Variants in AAMDC observed in about 807,000 individuals in gnomAD.
The protein encoded by AAMDC is adipogenesis associated Mth938 domain containing, also known as mth938 domain-containing protein.
A neutral mutation model predicts 15.5 loss-of-function variants in AAMDC; 16 were observed. The observed-to-expected ratio is 1.03, with a 90% CI of 0.70 to 1.57. The LOEUF is 1.57. Ranked by LOEUF, AAMDC falls within the 40% of genes most tolerant of loss-of-function variation. AAMDC has a pLI of 0.00. For synonymous variants in AAMDC, 51 were observed against 51.6 expected (o/e 0.99, Z 0.05); for missense variants, 141 against 144.9 (o/e 0.97, Z 0.14).
intron 5 of AAMDC, among the ~76,000 whole-genome samples, chr11:77,883,517 G>A (rs181391453): frequency 5.3e-5 from 8 of 152,114 alleles, no homozygotes; most frequent in Admixed American, 1.3e-4. Flanking sequence ...CAAGCAAGTC[G>A]GTGGCAGTTA....
chr11:77,863,052 G>A (rs574024326), intron 2 of AAMDC, among the ~76,000 whole-genome samples: 1 of 152,266 alleles, frequency 6.6e-6, no homozygotes, highest in South Asian at 2.1e-4. Context: ...ATGGTGGCAA[G>A]CCTCGTGTTC....
chr11:77,838,195 G>A (rs1426539324), intron 1 of AAMDC, among the ~76,000 whole-genome samples: 3 of 151,622 alleles, frequency 2.0e-5, no homozygotes, highest in Non-Finnish European at 4.4e-5. Flanking sequence ...ACACATATAG[G>A]TGCCAAATTG....
At chr11:77,883,729 A>T in intron 5 of AAMDC, 1 of 1,227,902 alleles carries the variant, frequency 8.1e-7, no homozygotes, top group Non-Finnish European at 1.1e-6. Context: ...ACAAGGCCTG[A>T]TTCATCCATG....
intron 2 of AAMDC, among the ~76,000 whole-genome samples, chr11:77,848,774 C>T (rs1039785138): frequency 5.3e-5 from 8 of 151,902 alleles, no homozygotes; most frequent in South Asian, 2.1e-4. Context: ...AACTTGCTTT[C>T]CTGTTTCTTT....
At chr11:77,891,514 G>C in intron 5 of AAMDC, 1 of 1,603,122 alleles carries the variant, frequency 6.2e-7, no homozygotes. Context: ...ATTCCTGGAT[G>C]AGAAAACGCA....
chr11:77,863,703 C>T (rs1483833495), intron 2 of AAMDC, among the ~76,000 whole-genome samples: 10 of 152,020 alleles, frequency 6.6e-5, no homozygotes, highest in South Asian at 4.1e-4. Flanking sequence ...TTTTATGAGA[C>T]GAAGTCTCAC....
chr11:77,899,112 T>C (rs1393642904), intron 5 of AAMDC, among the ~76,000 whole-genome samples: 1 of 152,156 alleles, frequency 6.6e-6, no homozygotes, highest in Non-Finnish European at 1.5e-5. Flanking sequence ...GGTACTACTA[T>C]TATCTCAGTT....
intron 2 of AAMDC, among the ~76,000 whole-genome samples, chr11:77,845,807 T>C (rs910790745): frequency 1.1e-4 from 17 of 152,196 alleles, no homozygotes; most frequent in African/African-American, 4.1e-4. Context: ...TGTTATACTT[T>C]CCTTTAGTTC....
chr11:77,903,435 G>T, downstream of AAMDC: 3 of 1,607,414 alleles, frequency 1.9e-6, no homozygotes, highest in South Asian at 2.2e-5. Flanking sequence ...AACTTTTCCT[G>T]CAAGGCCTAC....
intron 5 of AAMDC, chr11:77,891,413 T>C (rs1426018643): frequency 2.5e-6 from 4 of 1,613,162 alleles, no homozygotes; most frequent in Non-Finnish European, 3.4e-6. Context: ...CCGCAAAGGG[T>C]TGTCTGACTC....
intron 3 of AAMDC, among the ~76,000 whole-genome samples, 190 bp from the exon 4 acceptor site, chr11:77,871,985 T>C (rs932950796): frequency 6.6e-6 from 1 of 152,240 alleles, no homozygotes; most frequent in Admixed American, 6.5e-5. Flanking sequence ...GGTATTATGA[T>C]ACCTCTGACA....
At chr11:77,893,914 A>AATAAATAAATAT (rs1435478450) in intron 5 of AAMDC, among the ~76,000 whole-genome samples, 1 of 150,874 alleles carries the variant, frequency 6.6e-6, no homozygotes, top group Admixed American at 6.6e-5. Flanking sequence ...TAAATAAATA[A>AATAAATAAATAT]ATAAATAAAT....
intron 1 of AAMDC, among the ~76,000 whole-genome samples, chr11:77,831,514 G>A (rs1420315490): frequency 6.6e-6 from 1 of 152,074 alleles, no homozygotes; most frequent in Non-Finnish European, 1.5e-5. Flanking sequence ...CTCTGTTGGA[G>A]CCTAGGTATC....
At chr11:77,867,594 T>C (rs140889966) in intron 2 of AAMDC, among the ~76,000 whole-genome samples, 191 of 152,330 alleles carry the variant, frequency 1.3e-3, no homozygotes, top group African/African-American at 4.4e-3. Flanking sequence ...GATAGAGGTA[T>C]ATGGGTCAGG....
intron 5 of AAMDC, among the ~76,000 whole-genome samples, chr11:77,889,895 A>G (rs1442852239): frequency 1.3e-5 from 2 of 152,174 alleles, no homozygotes; most frequent in East Asian, 3.9e-4. Flanking sequence ...CCCTTAAGTA[A>G]CCTGCCTACA....
At chr11:77,881,262 G>A (rs1951781795) in intron 5 of AAMDC, among the ~76,000 whole-genome samples, 1 of 152,194 alleles carries the variant, frequency 6.6e-6, no homozygotes, top group African/African-American at 2.4e-5. Flanking sequence ...ACACAGCAAA[G>A]GAAGCAGAAT....
intron 2 of AAMDC, chr11:77,869,199 G>T: frequency 4.6e-6 from 1 of 216,402 alleles, no homozygotes; most frequent in South Asian, 9.1e-5. Flanking sequence ...TTGTCATTTT[G>T]GCAAATTACT....
chr11:77,855,164 A>G (rs1277724929), intron 2 of AAMDC, among the ~76,000 whole-genome samples: 1 of 152,096 alleles, frequency 6.6e-6, no homozygotes, highest in Non-Finnish European at 1.5e-5. Flanking sequence ...ATTTCCTCCT[A>G]GGCCTCCAGG....
chr11:77,829,259 C>T (rs946890952), intron 1 of AAMDC, among the ~76,000 whole-genome samples: 4 of 152,288 alleles, frequency 2.6e-5, no homozygotes, highest in Middle Eastern at 3.4e-3. Flanking sequence ...GCAGACATCT[C>T]CAACCCAAGG....
Sources: gnomAD v4.1 joint callset for allele counts (sites outside exome capture counted in the v4.1 genomes callset) on GRCh38, gnomAD v4.1.1 for gene constraint, MANE v1.5 for transcripts, NCBI Gene and HGNC (gene_info 2026-07-23, HGNC 2026-07-21) for gene names.